The following PDS5B variants were observed in gnomAD, a reference collection of about 807,000 sequenced individuals.
The protein encoded by PDS5B is PDS5 cohesin associated factor B.
A neutral mutation model predicts 184.1 loss-of-function variants in PDS5B; 51 were observed. The ratio of observed to expected loss-of-function variants is 0.28; its 90% CI spans 0.22 to 0.35. The LOEUF (loss-of-function observed/expected upper bound fraction) is 0.35. Among genes scored for constraint, PDS5B ranks in the 10% least tolerant of loss-of-function variants. PDS5B has a pLI of 1.00. For synonymous variants in PDS5B, 566 were observed against 569.2 expected (o/e 0.99, Z 0.08); for missense variants, 1,180 against 1,723.3 (o/e 0.68, Z 5.58).
chr13:32,636,647 G>A (rs1438496588), intron 1 of PDS5B, among the ~76,000 whole-genome samples: 1 of 152,156 alleles, frequency 6.6e-6, no homozygotes, highest in Non-Finnish European at 1.5e-5. Context: ...GTTCATCTTA[G>A]TAAGAACATT....
intron 1 of PDS5B, among the ~76,000 whole-genome samples, chr13:32,617,860 C>G (rs1364333259): frequency 1.3e-5 from 2 of 152,136 alleles, no homozygotes; most frequent in Non-Finnish European, 2.9e-5. Context: ...ATTCTGATTA[C>G]TAACTTAGTC....
intron 1 of PDS5B, among the ~76,000 whole-genome samples, chr13:32,590,300 T>C (rs2057754604): frequency 6.6e-6 from 1 of 152,198 alleles, no homozygotes; most frequent in Admixed American, 6.5e-5. Context: ...CCTGATTCAA[T>C]TAAAATGAAC....
chr13:32,613,567 C>T (rs2058173661), intron 1 of PDS5B, among the ~76,000 whole-genome samples: 1 of 152,140 alleles, frequency 6.6e-6, no homozygotes, highest in African/African-American at 2.4e-5. Context: ...ATATCCTTTG[C>T]CCATTTTTAA....
At position 32,737,354 on chromosome 13, in the gene PDS5B, AAGT is replaced by A. The variant is rs1458455000; in HGVS notation, c.2406+2025_2406+2027del. Among the ~76,000 whole-genome samples, 9 of 152,284 alleles carry A rather than the reference AAGT, an allele frequency of 5.9e-5. No homozygotes were observed. The East Asian group carries it at 1.7e-3, about 29-fold the overall frequency. On this transcript the variant is annotated intron_variant, in intron 21 of 34. Transcript: ENST00000315596. ...GTATATTTGTCTGGGATCCACCCAG[AAGT>A]CCAGGTTGTTTAACAAGGCCTTTAC...
At chr13:32,769,165 TAAAAA>T (rs1320212669) in intron 31 of PDS5B, among the ~76,000 whole-genome samples, 1 of 151,240 alleles carries the variant, frequency 6.6e-6, no homozygotes, top group Non-Finnish European at 1.5e-5. Context: ...AAATAACACT[TAAAAA>T]TAAGCATAGA....
intron 26 of PDS5B, among the ~76,000 whole-genome samples, chr13:32,757,832 T>C (rs1379920230): frequency 6.6e-6 from 1 of 152,178 alleles, no homozygotes; most frequent in Non-Finnish European, 1.5e-5. Flanking sequence ...GTTTCCCCTT[T>C]AACCCGCCTC....
chr13:32,703,361 A>G (rs148297163), intron 17 of PDS5B, among the ~76,000 whole-genome samples: 1 of 152,322 alleles, frequency 6.6e-6, no homozygotes, highest in African/African-American at 2.4e-5. Context: ...ATTGTGGACA[A>G]AGAGACTGAA....
chr13:32,731,859 C>T (rs529506951), intron 19 of PDS5B, among the ~76,000 whole-genome samples: 22 of 152,116 alleles, frequency 1.4e-4, no homozygotes, highest in African/African-American at 4.8e-4. Context: ...GAGTCACCAG[C>T]CTGTTAGTGT....
At chr13:32,661,209 C>G (rs1950632829) in intron 6 of PDS5B, among the ~76,000 whole-genome samples, 1 of 151,630 alleles carries the variant, frequency 6.6e-6, no homozygotes, top group African/African-American at 2.4e-5. Flanking sequence ...CATGGTGAAA[C>G]CCTGTCTTTA....
intron 17 of PDS5B, among the ~76,000 whole-genome samples, chr13:32,702,939 A>C: frequency 6.6e-6 from 1 of 152,180 alleles, no homozygotes; most frequent in East Asian, 1.9e-4. Flanking sequence ...AATGGAAAGG[A>C]GACAACGTAC....
intron 19 of PDS5B, among the ~76,000 whole-genome samples, chr13:32,724,607 G>A (rs1418703552): frequency 2.0e-5 from 3 of 151,728 alleles, no homozygotes; most frequent in Non-Finnish European, 4.4e-5. Context: ...TTTTTAACAG[G>A]GTCTTGCTCT....
intron 1 of PDS5B, among the ~76,000 whole-genome samples, chr13:32,597,756 A>T (rs1466261585): frequency 6.6e-6 from 1 of 151,656 alleles, no homozygotes; most frequent in Non-Finnish European, 1.5e-5. Flanking sequence ...CTGAGGCAGG[A>T]GAATTGCTTG....
chr13:32,723,243 T>C (rs529807959), intron 19 of PDS5B, among the ~76,000 whole-genome samples: 1 of 152,338 alleles, frequency 6.6e-6, no homozygotes. Context: ...TTTATATCCT[T>C]ACTTATTAAT....
chr13:32,755,806 G>GT (rs199745922), intron 25 of PDS5B, 36 bp from the exon 26 acceptor site: 25,448 of 950,988 alleles, frequency 0.027, 179 homozygotes, highest in East Asian at 0.044. Flanking sequence ...TTTTTCTTTT[G>GT]TTTTTTTTTG....
At chr13:32,757,629 CTA>C (rs1299590616) in intron 26 of PDS5B, among the ~76,000 whole-genome samples, 1 of 152,150 alleles carries the variant, frequency 6.6e-6, no homozygotes, top group Non-Finnish European at 1.5e-5. Context: ...CTTTTTCTCT[CTA>C]TTATTGAATA....
At chr13:32,603,181 C>A (rs940890670) in intron 1 of PDS5B, among the ~76,000 whole-genome samples, 1 of 152,216 alleles carries the variant, frequency 6.6e-6, no homozygotes, top group South Asian at 2.1e-4. Context: ...TGCCTATGTC[C>A]TGAATGGTAT....
At chr13:32,591,259 A>G (rs925764690) in intron 1 of PDS5B, among the ~76,000 whole-genome samples, 127 of 151,950 alleles carry the variant, frequency 8.4e-4, no homozygotes, top group African/African-American at 2.7e-3. Flanking sequence ...CTCCTGAGTA[A>G]CTGGGACTAC....
intron 24 of PDS5B, among the ~76,000 whole-genome samples, chr13:32,749,122 C>T (rs1360248349): frequency 2.6e-5 from 4 of 152,138 alleles, no homozygotes; most frequent in South Asian, 2.1e-4. Context: ...CCCAAATGTA[C>T]GCTTAAAAAT....
At chr13:32,588,604 A>G (rs543271710) in intron 1 of PDS5B, among the ~76,000 whole-genome samples, 17 of 151,718 alleles carry the variant, frequency 1.1e-4, no homozygotes, top group Non-Finnish European at 2.1e-4. Flanking sequence ...CCCTATATTA[A>G]CTTTTCTTTT....
Sources: allele counts gnomAD v4.1 joint callset (sites outside exome capture counted in the v4.1 genomes callset), GRCh38; gene constraint gnomAD v4.1.1; transcripts MANE v1.5; gene names NCBI Gene and HGNC (gene_info 2026-07-23, HGNC 2026-07-21).